Variants in PSMA1 observed in about 807,000 individuals in gnomAD.
PSMA1 encodes the protein proteasome subunit alpha type-1.
A neutral mutation model predicts 38.4 loss-of-function variants in PSMA1; 3 were observed. The ratio of observed to expected loss-of-function variants is 0.08; its 90% CI spans 0.04 to 0.20. PSMA1 has a LOEUF of 0.20. PSMA1 is among the 10% of genes least tolerant of loss of function. The probability of loss-of-function intolerance (pLI) is 1.00; values close to 1 mark genes in which losing one functional copy is unlikely to be tolerated. For missense variants in PSMA1, 227 were observed against 325.3 expected, an observed-to-expected ratio of 0.70 and a Z score of 2.32; for synonymous variants, 101 against 107.1, an observed-to-expected ratio of 0.94 and a Z score of 0.35.
At chr11:14,546,525 C>T (rs974634282) in intron 2 of PSMA1, among the ~76,000 whole-genome samples, 15 of 152,036 alleles carry the variant, frequency 9.9e-5, no homozygotes, top group Non-Finnish European at 1.9e-4. Context: ...GCAACCTCTG[C>T]CTCTCGGGTT....
At chr11:14,607,510 G>A (rs914949498) in intron 2 of PSMA1, among the ~76,000 whole-genome samples, 11 of 152,154 alleles carry the variant, frequency 7.2e-5, no homozygotes, top group African/African-American at 2.7e-4. Context: ...TGTACCCCTG[G>A]CTGAAAATCA....
rs192430153 is a variant in PSMA1 at position 14,510,014 on chromosome 11, C to T, written c.624+858G>A. ...CTGGGATTACAGGCGTGAGCCACCG[C>T]GCCCAGCCTCAATCTGTCGTTAAAA... On this transcript the variant is annotated intron_variant, in intron 8 of 9. Coordinates refer to ENST00000396394, the MANE Select transcript of PSMA1 (RefSeq NM_002786.4). Among the ~76,000 whole-genome samples, 9 of 152,342 alleles carry T rather than the reference C, an allele frequency of 5.9e-5. No homozygotes were observed. The East Asian group carries it at 7.7e-4, about 13-fold the overall frequency.
chr11:14,520,469 T>G, upstream of PSMA1: 1 of 1,510,196 alleles, frequency 6.6e-7, no homozygotes, highest in South Asian at 1.3e-5. Flanking sequence ...CACTTCCCCC[T>G]CCTTAAAACT....
chr11:14,601,632 T>C (rs1008939651), intron 2 of PSMA1, among the ~76,000 whole-genome samples: 5 of 152,304 alleles, frequency 3.3e-5, no homozygotes, highest in East Asian at 1.9e-4. Context: ...ATGCTCACTT[T>C]GGGGAAAATC....
At chr11:14,577,747 G>C (rs997034265) in intron 2 of PSMA1, among the ~76,000 whole-genome samples, 1 of 152,116 alleles carries the variant, frequency 6.6e-6, no homozygotes, top group Admixed American at 6.6e-5. Context: ...ACAGCTTATG[G>C]GTGGCAAAGC....
chr11:14,580,333 C>T (rs1852269787), intron 2 of PSMA1, among the ~76,000 whole-genome samples: 1 of 152,174 alleles, frequency 6.6e-6, no homozygotes, highest in South Asian at 2.1e-4. Flanking sequence ...CCTTCCTAGC[C>T]TTGAACATGC....
At chr11:14,548,597 G>C (rs1299440045) in intron 2 of PSMA1, among the ~76,000 whole-genome samples, 1 of 152,132 alleles carries the variant, frequency 6.6e-6, no homozygotes, top group Non-Finnish European at 1.5e-5. Context: ...GGCCATAGTG[G>C]AAATATTTAC....
In PSMA1 at chr11:14,591,634, ACT is replaced by A. The variant is rs1852416574; in HGVS notation, c.21+19330_21+19331del. On this transcript the variant is annotated intron_variant, in intron 2 of 10. Coordinates refer to the PSMA1 transcript ENST00000418988. ...AGGGTTTGTGAGTGCACCAATCGAC[ACT>A]CTGTATCTAGCTGCTCTGGGGCCTC... 3.9e-5 allele frequency among the ~76,000 whole-genome samples: 6 copies of A among 152,144 alleles called. No individual in the cohort carries two copies. The South Asian group carries it at 1.2e-3, about 32-fold the overall frequency.
chr11:14,634,326 A>G (rs1338704182), intron 1 of PSMA1, among the ~76,000 whole-genome samples: 2 of 152,252 alleles, frequency 1.3e-5, no homozygotes, highest in African/African-American at 2.4e-5. Flanking sequence ...ACCATTTACA[A>G]CTGATTCTAT....
Position 14,505,132 on chromosome 11 carries a change from C to A in PSMA1, c.*60G>T. On this transcript the variant is annotated 3_prime_UTR_variant, in exon 10 of 10. Transcript: ENST00000396394. ...GGTTCAAAGTATAGATTATTGTCATCAGTATGTGGTGCCTGTATTCTTACA... is the reference window on the plus strand; with the variant it reads ...GGTTCAAAGTATAGATTATTGTCATAAGTATGTGGTGCCTGTATTCTTACA... The A allele has an allele frequency of 7.1e-7, 1 of 1,402,192 alleles. No homozygotes were observed. 86.9% of individuals were successfully genotyped at this position (1,402,192 alleles called of 1,614,324 possible).
At chr11:14,637,001 T>C (rs956731111) in intron 1 of PSMA1, among the ~76,000 whole-genome samples, 4 of 152,226 alleles carry the variant, frequency 2.6e-5, no homozygotes, top group African/African-American at 7.2e-5. Flanking sequence ...GCATTGGGTT[T>C]TGAAAAACAA....
chr11:14,541,731 G>T (rs541064934), intron 2 of PSMA1, among the ~76,000 whole-genome samples: 10 of 152,200 alleles, frequency 6.6e-5, no homozygotes, highest in African/African-American at 1.2e-4. Flanking sequence ...AAGGGAGTAG[G>T]ACTGTTAATT....
At chr11:14,592,204 C>T (rs940472341) in intron 2 of PSMA1, among the ~76,000 whole-genome samples, 4 of 152,238 alleles carry the variant, frequency 2.6e-5, no homozygotes, top group African/African-American at 9.6e-5. Flanking sequence ...CTGTAACACT[C>T]ACCGCGAGGG....
intron 2 of PSMA1, among the ~76,000 whole-genome samples, chr11:14,566,173 T>C (rs570167719): frequency 1.3e-5 from 2 of 152,212 alleles, no homozygotes; most frequent in East Asian, 1.9e-4. Context: ...GCCAGGAGTA[T>C]ATGTGAAACA....
chr11:14,626,966 A>T (rs989868976), intron 1 of PSMA1, among the ~76,000 whole-genome samples: 5 of 152,132 alleles, frequency 3.3e-5, no homozygotes, highest in African/African-American at 7.2e-5. Flanking sequence ...GAAGTTCAAG[A>T]TCAAGGTGCT....
At chr11:14,634,236 G>A (rs531960156) in intron 1 of PSMA1, among the ~76,000 whole-genome samples, 67 of 152,224 alleles carry the variant, frequency 4.4e-4, no homozygotes, top group African/African-American at 1.6e-3. Flanking sequence ...CCAGTCGTTG[G>A]TGCCAAAAAG....
intron 2 of PSMA1, among the ~76,000 whole-genome samples, chr11:14,577,536 G>A (rs1852232890): frequency 6.6e-6 from 1 of 152,010 alleles, no homozygotes; most frequent in Non-Finnish European, 1.5e-5. Context: ...CTCACCCTCT[G>A]ACCAACTTCC....
In PSMA1 at chr11:14,517,933, A is replaced by C; in HGVS notation, c.97T>G (p.Ser33Ala). Residue 33 changes from serine to alanine, a missense_variant, in exon 3 of 10, where the codon TCA becomes GCA. Ser to Ala is a moderately conservative substitution (Grantham distance 99, BLOSUM62 1). Coordinates refer to ENST00000396394, the MANE Select transcript of PSMA1 (RefSeq NM_002786.4). Reference sequence around the variant, plus strand: ...TTTGATTTCAGACCAACTGTGGCTGAACCTTGTTTAACAGCTTCCATTGCA... The same window carrying C: ...TTTGATTTCAGACCAACTGTGGCTGCACCTTGTTTAACAGCTTCCATTGCA... Reference protein sequence around the residue: ...EYAMEAVKQGSATVGLKSKTH... With the variant: ...EYAMEAVKQGAATVGLKSKTH... 2 of 1,609,942 alleles carry C rather than the reference A, an allele frequency of 1.2e-6. No individual in the cohort carries two copies. Among genetic ancestry groups the C allele is most frequent in the Non-Finnish European group, 1.7e-6 (2 of 1,178,808 alleles).
intron 8 of PSMA1, among the ~76,000 whole-genome samples, chr11:14,510,419 T>A (rs1327128378): frequency 2.0e-5 from 3 of 152,200 alleles, no homozygotes; most frequent in African/African-American, 4.8e-5. Flanking sequence ...TTTTAACGCT[T>A]TTTTATTTTT....
Sources: allele counts gnomAD v4.1 joint callset (sites outside exome capture counted in the v4.1 genomes callset), GRCh38; gene constraint gnomAD v4.1.1; transcripts MANE v1.5; gene names NCBI Gene and HGNC (gene_info 2026-07-23, HGNC 2026-07-21).